GPR39: variants seen among roughly 807,000 people sequenced by gnomAD.
The protein encoded by GPR39 is zinc sensing receptor.
In GPR39, 23 loss-of-function variants were observed where a neutral mutation model predicts 18.4. That is an observed-to-expected ratio of 1.25 (90% CI 0.90 to 1.77). The LOEUF (loss-of-function observed/expected upper bound fraction) is 1.77. Ranked by LOEUF, GPR39 falls within the 40% of genes most tolerant of loss-of-function variation. The pLI, the probability that GPR39 is intolerant of heterozygous loss-of-function variation, is 0.00. For missense variants in GPR39, 647 were observed against 602.4 expected, an observed-to-expected ratio of 1.07 and a Z score of -0.78; for synonymous variants, 280 against 257.9, an observed-to-expected ratio of 1.09 and a Z score of -0.82.
chr2:132,599,668 T>A (rs1681005820), intron 1 of GPR39, among the ~76,000 whole-genome samples: 1 of 140,130 alleles, frequency 7.1e-6, no homozygotes, highest in Admixed American at 6.8e-5. Context: ...TCAGGGACTG[T>A]GCTCTGCAGT....
chr2:132,573,476 A>C (rs931364262), intron 1 of GPR39, among the ~76,000 whole-genome samples: 1 of 152,180 alleles, frequency 6.6e-6, no homozygotes, highest in South Asian at 2.1e-4. Context: ...ACAGAGTGCC[A>C]ATCTCCCAGC....
intron 1 of GPR39, among the ~76,000 whole-genome samples, chr2:132,545,760 C>A (rs1207844529): frequency 6.6e-6 from 1 of 152,026 alleles, no homozygotes; most frequent in South Asian, 2.1e-4. Flanking sequence ...TGCTAAAAGG[C>A]AGAATCAGAT....
intron 1 of GPR39, among the ~76,000 whole-genome samples, chr2:132,622,235 A>G (rs1681454787): frequency 6.6e-6 from 1 of 152,144 alleles, no homozygotes; most frequent in South Asian, 2.1e-4. Context: ...CTCTCCTACA[A>G]ATACAAAATT....
rs1201408549 is a variant in GPR39 at position 132,645,186 on chromosome 2, G to A, written c.942G>A (p.Trp314Ter). Residue 314 changes from tryptophan (W) to a stop codon, truncating the protein, a stop_gained, in exon 2 of 2, where the codon TGG becomes TGA. Coordinates refer to ENST00000329321, the MANE Select transcript of GPR39 (RefSeq NM_001508.3). LOFTEE classifies it low-confidence loss of function (END_TRUNC). ...IMAAAKPKHD[W>*]TRSYFRAYMI... ...CTGCGGCCAAACCCAAGCACGACTG[G>A]ACGAGGTCCTACTTCCGGGCGTACA... The A allele has an allele frequency of 6.2e-7, 1 of 1,614,026 alleles. No homozygotes were observed. The highest frequency in any genetic ancestry group is 1.3e-5 in the African/African-American group (1 of 74,920).
chr2:132,618,214 C>T (rs936629855), intron 1 of GPR39, among the ~76,000 whole-genome samples: 4 of 152,202 alleles, frequency 2.6e-5, no homozygotes, highest in Non-Finnish European at 5.9e-5. Context: ...GTCCATCCGG[C>T]CACCTGACAA....
intron 1 of GPR39, among the ~76,000 whole-genome samples, chr2:132,569,998 T>G (rs1046316343): frequency 5.9e-5 from 9 of 152,122 alleles, no homozygotes; most frequent in Non-Finnish European, 1.2e-4. Flanking sequence ...GGGTTTGTCT[T>G]TAAGGGCAGT....
intron 1 of GPR39, among the ~76,000 whole-genome samples, chr2:132,428,218 TTC>T (rs1573597040): frequency 6.6e-6 from 1 of 152,060 alleles, no homozygotes; most frequent in East Asian, 1.9e-4. Context: ...GGCTTTACCC[TTC>T]TCTCATTATT....
At chr2:132,441,612 C>T (rs201719323) in intron 1 of GPR39, among the ~76,000 whole-genome samples, 1 of 152,318 alleles carries the variant, frequency 6.6e-6, no homozygotes, top group East Asian at 1.9e-4. Flanking sequence ...GATTAATACA[C>T]TTGACTTCTT....
At chr2:132,639,428 C>T (rs1326746609) in intron 1 of GPR39, among the ~76,000 whole-genome samples, 3 of 152,194 alleles carry the variant, frequency 2.0e-5, no homozygotes, top group Non-Finnish European at 4.4e-5. Context: ...CATACCCCTG[C>T]ACCCTCAAGG....
chr2:132,628,740 C>A (rs963599541), intron 1 of GPR39, among the ~76,000 whole-genome samples: 3 of 152,108 alleles, frequency 2.0e-5, no homozygotes, highest in Admixed American at 6.5e-5. Context: ...TACCATTACC[C>A]TAATAAAGTA....
chr2:132,620,737 C>A (rs1478686698), intron 1 of GPR39, among the ~76,000 whole-genome samples: 3 of 152,056 alleles, frequency 2.0e-5, no homozygotes, highest in East Asian at 1.9e-4. Context: ...AGATCACAAC[C>A]TTCACATTTT....
In GPR39 at chr2:132,417,719, G is replaced by A. The variant is rs772974966; in HGVS notation, c.677G>A (p.Gly226Asp). Residue 226 changes from glycine (G) to aspartate (D), a missense_variant, in exon 1 of 2, where the codon GGC becomes GAC. Around this residue, in one of 3 missense-constraint regions of GPR39, gnomAD observed 581 missense variants for 506.8 expected, o/e 1.15. Transcript: ENST00000329321. Reference sequence around the variant, plus strand: ...ACCGTGTTCCAGTCCAGCATCTTCGGCGCCTTCGTGGTCTACCTCGTGGTC... The same window carrying A: ...ACCGTGTTCCAGTCCAGCATCTTCGACGCCTTCGTGGTCTACCTCGTGGTC... ...RWTVFQSSIF[G>D]AFVVYLVVLL... 8.1e-6 allele frequency: 13 copies of A among 1,614,176 alleles called. No individual in the cohort carries two copies. Among genetic ancestry groups the A allele is most frequent in the Non-Finnish European group, 1.1e-5 (13 of 1,180,034 alleles).
chr2:132,632,040 T>C (rs1681659387), intron 1 of GPR39, among the ~76,000 whole-genome samples: 1 of 152,044 alleles, frequency 6.6e-6, no homozygotes, highest in Non-Finnish European at 1.5e-5. Flanking sequence ...GGGCTGTTCT[T>C]GACCTCCTAA....
At chr2:132,457,373 C>T (rs943976124) in intron 1 of GPR39, among the ~76,000 whole-genome samples, 2 of 152,146 alleles carry the variant, frequency 1.3e-5, no homozygotes, top group African/African-American at 2.4e-5. Context: ...TCGAGTTAAC[C>T]ATCGTCTAAT....
chr2:132,629,906 G>A (rs1483343030), intron 1 of GPR39, among the ~76,000 whole-genome samples: 3 of 152,158 alleles, frequency 2.0e-5, no homozygotes, highest in Non-Finnish European at 2.9e-5. Flanking sequence ...GAAGTTCCCA[G>A]TTTTCAGGCT....
chr2:132,492,823 T>C (rs62645260), intron 1 of GPR39, among the ~76,000 whole-genome samples: 159 of 138,276 alleles, frequency 1.1e-3, no homozygotes, highest in African/African-American at 4.2e-3. Flanking sequence ...ATACCATATA[T>C]ATACCATATA....
intron 1 of GPR39, among the ~76,000 whole-genome samples, chr2:132,559,526 A>C (rs887198273): frequency 9.2e-5 from 14 of 152,070 alleles, no homozygotes; most frequent in Admixed American, 3.9e-4. Flanking sequence ...GCTGAGGATA[A>C]GAAAAGCAAC....
At position 132,516,000 on chromosome 2, in the gene GPR39, A is replaced by T. The variant is rs527300558; in HGVS notation, c.856+98102A>T. Among the ~76,000 whole-genome samples, 3 of 152,246 alleles carry T rather than the reference A, an allele frequency of 2.0e-5. No homozygotes were observed. In the South Asian group the frequency reaches 6.2e-4, roughly 32 times the overall value. ...TAAATTTGTATTATTTTCTCCTGTT[A>T]ATCTGTCTCCTGTTATCGGAGTCCC... On this transcript the variant is annotated intron_variant, in intron 1 of 1. Coordinates refer to ENST00000329321, the MANE Select transcript of GPR39 (RefSeq NM_001508.3).
chr2:132,451,159 G>GTA (rs1680625768), intron 1 of GPR39, among the ~76,000 whole-genome samples: 3 of 132,722 alleles, frequency 2.3e-5, no homozygotes, highest in African/African-American at 7.6e-5. Context: ...GTGTGTGTGT[G>GTA]TGTGTGTGTG....
Sources: gnomAD v4.1 joint callset for allele counts (sites outside exome capture counted in the v4.1 genomes callset) on GRCh38, gnomAD v4.1.1 for gene constraint, gnomAD v4.1.1 regional missense constraint, MANE v1.5 for transcripts, NCBI Gene and HGNC (gene_info 2026-07-23, HGNC 2026-07-21) for gene names.